Variants in SSPN observed in about 807,000 individuals in gnomAD.
SSPN encodes the protein K-ras oncogene-associated protein.
In SSPN, 15 loss-of-function variants were observed where a neutral mutation model predicts 19.1. The ratio of observed to expected loss-of-function variants is 0.78; its 90% CI spans 0.52 to 1.21. The LOEUF (loss-of-function observed/expected upper bound fraction) is 1.21, where lower values mean the gene tolerates loss of function less well. Among genes scored for constraint, SSPN ranks in the 50% most tolerant of loss-of-function variants. The pLI, the probability that SSPN is intolerant of heterozygous loss-of-function variation, is 0.00. For missense variants in SSPN, 291 were observed against 314.0 expected (o/e 0.93, Z 0.55); for synonymous variants, 147 against 140.3 (o/e 1.05, Z -0.34).
intron 1 of SSPN, among the ~76,000 whole-genome samples, chr12:26,173,864 T>A (rs1280309569): frequency 2.6e-5 from 4 of 152,258 alleles, no homozygotes; most frequent in Non-Finnish European, 4.4e-5. Context: ...ACTTAAATAG[T>A]GTCTTCAAGG....
chr12:26,226,077 C>T (rs142090375), intron 2 of SSPN, among the ~76,000 whole-genome samples: 36 of 151,866 alleles, frequency 2.4e-4, no homozygotes, highest in Non-Finnish European at 3.8e-4. Context: ...TTTTTCCACC[C>T]GTGACAGGCA....
At chr12:26,217,371 CTG>C (rs1290656781) in intron 1 of SSPN, among the ~76,000 whole-genome samples, 1 of 117,540 alleles carries the variant, frequency 8.5e-6, no homozygotes, top group African/African-American at 3.4e-5. Flanking sequence ...ATTTGGCTCT[CTG>C]TTTGTCTGTT....
Position 26,140,929 on chromosome 12 carries a change from T to C in SSPN, c.-31+18777T>C, listed in dbSNP as rs190800030. On this transcript the variant is annotated intron_variant, in intron 1 of 2. Coordinates refer to the SSPN transcript ENST00000538142. ...CACAGATCTTTCACACAGGAACTCTTAAAATATAAAGCAGCTCCTGCCACT... is the reference window on the plus strand; with the variant it reads ...CACAGATCTTTCACACAGGAACTCTCAAAATATAAAGCAGCTCCTGCCACT... Among the ~76,000 whole-genome samples, 260 of 152,318 alleles carry C rather than the reference T, an allele frequency of 1.7e-3. 1 individual carries two copies. The highest frequency in any genetic ancestry group is 5.6e-3 in the South Asian group (27 of 4,828).
At chr12:26,129,379 A>T (rs1944385264) in intron 1 of SSPN, among the ~76,000 whole-genome samples, 1 of 152,202 alleles carries the variant, frequency 6.6e-6, no homozygotes, top group African/African-American at 2.4e-5. Context: ...GACTTACAAA[A>T]GCTTCCCTAG....
chr12:26,164,402 A>G (rs1342245972), intron 1 of SSPN, among the ~76,000 whole-genome samples: 1 of 152,160 alleles, frequency 6.6e-6, no homozygotes, highest in Non-Finnish European at 1.5e-5. Context: ...ACTTTCATAC[A>G]TCTAAACCTA....
In SSPN at chr12:26,162,582, C is replaced by T. The variant is rs1591856310; in HGVS notation, c.-31+40430C>T. Among the ~76,000 whole-genome samples the T allele has an allele frequency of 3.3e-5, 5 of 152,170 alleles. No homozygotes were observed. The East Asian group carries it at 5.8e-4, about 18-fold the overall frequency. ...CAGCATTTTGGTCTATGAATGAAAC[C>T]GCTCCAATATCATTTTCACCAGGGG... On this transcript the variant is annotated intron_variant, in intron 1 of 2. Transcript: ENST00000538142.
chr12:26,207,328 GA>G (rs1198336504), intron 1 of SSPN, among the ~76,000 whole-genome samples: 1 of 151,892 alleles, frequency 6.6e-6, no homozygotes, highest in Admixed American at 6.6e-5. Context: ...TAATAACATA[GA>G]AAAAAATGCC....
At chr12:26,122,783 G>T (rs534255183) in intron 1 of SSPN, 2 of 1,582,792 alleles carry the variant, frequency 1.3e-6, no homozygotes, top group Admixed American at 1.7e-5. Context: ...CCTCGGCTTC[G>T]CCGCCGTAGC....
chr12:26,201,281 G>A (rs1191026555), intron 1 of SSPN, among the ~76,000 whole-genome samples: 1 of 151,328 alleles, frequency 6.6e-6, no homozygotes. Context: ...GGGAGGCTGA[G>A]GTGGGAGGAT....
chr12:26,188,787 A>G (rs973113558), intron 1 of SSPN, among the ~76,000 whole-genome samples: 1 of 152,170 alleles, frequency 6.6e-6, no homozygotes, highest in East Asian at 1.9e-4. Flanking sequence ...TTGTTTCTGC[A>G]CTCATGGGAC....
chr12:26,136,275 C>A (rs1944424522), intron 1 of SSPN, among the ~76,000 whole-genome samples: 1 of 152,190 alleles, frequency 6.6e-6, no homozygotes, highest in South Asian at 2.1e-4. Flanking sequence ...CACCGGAGGT[C>A]CTGGTACCAA....
intron 1 of SSPN, among the ~76,000 whole-genome samples, chr12:26,204,066 A>G (rs1224369304): frequency 1.3e-5 from 2 of 152,206 alleles, no homozygotes; most frequent in African/African-American, 4.8e-5. Context: ...TTACGGGGAC[A>G]CAATTCAGTC....
intron 1 of SSPN, chr12:26,122,497 G>C (rs1565664504): frequency 7.6e-7 from 1 of 1,319,082 alleles, no homozygotes; most frequent in African/African-American, 1.6e-5. Flanking sequence ...GCGGCCGCGG[G>C]CTGCGGGAAG....
intron 1 of SSPN, among the ~76,000 whole-genome samples, chr12:26,156,566 C>T (rs947425520): frequency 2.0e-5 from 3 of 152,182 alleles, no homozygotes; most frequent in South Asian, 2.1e-4. Context: ...GAAAGGCCCG[C>T]GGATTCTTCC....
At chr12:26,125,068 C>T in intron 1 of SSPN, 1 of 515,816 alleles carries the variant, frequency 1.9e-6, no homozygotes, top group South Asian at 2.0e-5. Context: ...CCGGCCAGAC[C>T]AGCACCCAGC....
chr12:26,216,549 C>T (rs1565690883), intron 1 of SSPN, among the ~76,000 whole-genome samples: 2 of 80,378 alleles, frequency 2.5e-5, no homozygotes, highest in Admixed American at 3.0e-4. Context: ...ATGGTAGTTT[C>T]TTTTGCTGTG....
Position 26,195,684 on chromosome 12 carries a change from C to T in SSPN, c.12C>T (p.Asn4=). The part of the protein sequence containing the change: MGK[N]KQPRGQQRQG... The stretch of plus-strand genomic sequence containing the variant: ...AGCCTCGCAGCGCCATGGGCAAGAA[C>T]AAGCAGCCACGCGGCCAGCAGAGGC... The change falls in exon 1 of 3, where the codon AAC becomes AAT. Residue 4 remains asparagine (N), a synonymous_variant. Transcript: ENST00000242729. The T allele has an allele frequency of 9.1e-7, 1 of 1,104,256 alleles. No homozygotes were observed. The highest frequency in any genetic ancestry group is 1.1e-6 in the Non-Finnish European group (1 of 907,292). 68.4% of individuals were successfully genotyped at this position (1,104,256 alleles called of 1,614,324 possible). A position where few individuals can be genotyped will look rare whatever the true frequency, so the allele number is the denominator to read the frequency against.
chr12:26,163,034 T>TGTGTGTGG (rs1944599063), intron 1 of SSPN, among the ~76,000 whole-genome samples: 8 of 141,372 alleles, frequency 5.7e-5, no homozygotes, highest in Admixed American at 5.5e-4. Context: ...CTTCAAGACG[T>TGTGTGTGG]GTGTGTGTGT....
At chr12:26,126,967 C>T (rs1944370206) in intron 1 of SSPN, among the ~76,000 whole-genome samples, 1 of 152,136 alleles carries the variant, frequency 6.6e-6, no homozygotes, top group Admixed American at 6.5e-5. Flanking sequence ...TAAGACCCTT[C>T]GATGGGGAGG....
Sources: allele counts gnomAD v4.1 joint callset (sites outside exome capture counted in the v4.1 genomes callset), GRCh38; gene constraint gnomAD v4.1.1; transcripts MANE v1.5; gene names NCBI Gene and HGNC (gene_info 2026-07-23, HGNC 2026-07-21).